AKAP9: variants seen among roughly 807,000 people sequenced by gnomAD.
AKAP9 encodes the protein A-kinase anchoring protein 9.
A neutral mutation model predicts 488.5 loss-of-function variants in AKAP9; 311 were observed. The ratio of observed to expected loss-of-function variants is 0.64; its 90% CI spans 0.58 to 0.70. The LOEUF (loss-of-function observed/expected upper bound fraction) is 0.70, where lower values mean the gene tolerates loss of function less well. Ranked by LOEUF, AKAP9 falls within the 30% of genes least tolerant of loss-of-function variation. The pLI, the probability that AKAP9 is intolerant of heterozygous loss-of-function variation, is 0.00. For synonymous variants in AKAP9, 1,462 were observed against 1,483.5 expected (o/e 0.99, Z 0.33); for missense variants, 4,215 against 4,374.5 (o/e 0.96, Z 1.03).
At chr7:92,108,428 C>CATATA in intron 48 of AKAP9, 66 bp from the exon 49 acceptor site, 1 of 1,542,706 alleles carries the variant, frequency 6.5e-7, no homozygotes, top group South Asian at 1.1e-5. Context: ...GGAGTGGAGG[C>CATATA]AGGTTGGTAA....
rs1387293488 is a variant in AKAP9, at chr7:92,065,462, A to T, written c.6209A>T (p.Asp2070Val). The change falls in exon 25 of 50, where the codon GAT becomes GTT. Residue 2070 changes from aspartate (D) to valine (V), a missense_variant and splice_region_variant. Asp to Val is a radical substitution (Grantham distance 152). Transcript: ENST00000356239. ...TTAGAAAAAATGAGAAAATTTTTAG[A>T]TGTAAGTATTCTCAAGTTGAATACT... ...KQLEKMRKFL[D>V]EQAIDREHER... The T allele has an allele frequency of 2.5e-6, 4 of 1,599,050 alleles. No individual in the cohort carries two copies. The Admixed American group carries it at 6.7e-5, about 27-fold the overall frequency.
At position 92,070,033 on chromosome 7, in the gene AKAP9, G is replaced by A; in HGVS notation, c.6334G>A (p.Glu2112Lys). The stretch of plus-strand genomic sequence containing the variant: ...TTTTTTGCCTCTTATATTTCAGGTT[G>A]AACAGTTAGCAAATCATCTGAAAGA... The part of the protein sequence containing the change: ...PISEHQTREV[E>K]QLANHLKEKT... The change falls in exon 27 of 50, where the codon GAA becomes AAA. Residue 2112 changes from glutamate to lysine, a missense_variant. Transcript: ENST00000356239. The A allele has an allele frequency of 6.2e-7, 1 of 1,612,068 alleles. No individual in the cohort carries two copies. The highest frequency in any genetic ancestry group is 1.1e-5 in the South Asian group (1 of 90,498).
rs573486648 is a variant in AKAP9 at position 92,059,156 on chromosome 7, A to T, written c.5602-2104A>T. Among the ~76,000 whole-genome samples the T allele has an allele frequency of 7.9e-5, 12 of 152,068 alleles. No individual in the cohort carries two copies. The East Asian group carries it at 2.3e-3, about 29-fold the overall frequency. ...TTTTGTTACCTCTTCTGCAACTTTT[A>T]TATTAAAGTGACAGAATATTAACTG... On this transcript the variant is annotated intron_variant, in intron 22 of 49. Coordinates refer to ENST00000356239, the MANE Select transcript of AKAP9 (RefSeq NM_005751.5).
Position 92,077,310 on chromosome 7 carries a change from C to G in AKAP9, c.6765+303C>G, listed in dbSNP as rs28694521. On this transcript the variant is annotated intron_variant, in intron 29 of 49. Transcript: ENST00000356239. Reference sequence around the variant, plus strand: ...GTTTCACCGTGTTAGCCAGGATGCTCTCGATCTCCTGACCTCGTGATCCGC... The same window carrying G: ...GTTTCACCGTGTTAGCCAGGATGCTGTCGATCTCCTGACCTCGTGATCCGC... 0.022 allele frequency among the ~76,000 whole-genome samples: 3,360 copies of G among 151,940 alleles called. 142 individuals are homozygous for G. Among genetic ancestry groups the G allele is most frequent in the African/African-American group, 0.077 (3,206 of 41,440 alleles).
intron 5 of AKAP9, among the ~76,000 whole-genome samples, chr7:91,994,113 A>G (rs1251656725): frequency 1.3e-5 from 2 of 152,172 alleles, no homozygotes; most frequent in East Asian, 1.9e-4. Context: ...TGTACAACAG[A>G]GCGAGACCCT....
At chr7:92,008,983 T>TAAAAAAA (rs58922447) in intron 8 of AKAP9, among the ~76,000 whole-genome samples, 1 of 130,730 alleles carries the variant, frequency 7.6e-6, no homozygotes, top group Non-Finnish European at 1.6e-5. Flanking sequence ...AGACTCCATT[T>TAAAAAAA]AAAAAAAAAA....
At chr7:91,955,329 A>G (rs1792840756) in intron 1 of AKAP9, among the ~76,000 whole-genome samples, 1 of 152,218 alleles carries the variant, frequency 6.6e-6, no homozygotes, top group African/African-American at 2.4e-5. Flanking sequence ...GACTGATGAT[A>G]AAAAGAACAC....
In AKAP9 at chr7:91,994,740, A is replaced by C; in HGVS notation, c.696A>C (p.Thr232=). 6.2e-7 allele frequency: 1 copy of C among 1,612,342 alleles called. No individual in the cohort carries two copies. The highest frequency in any genetic ancestry group is 1.3e-5 in the African/African-American group (1 of 75,028). ...CAATGAGAGAATTTTTAGAGTTGAC[A>C]GAACAGAGTCAAAAATTACAGATTC... ...DETMREFLEL[T]EQSQKLQIQF... The change falls in exon 6 of 50, where the codon ACA becomes ACC. Residue 232 remains threonine (T), a synonymous_variant. Transcript: ENST00000356239.
In AKAP9 at chr7:92,079,963, A is replaced by G. The variant is rs1277677294; in HGVS notation, c.7830A>G (p.Glu2610=). The part of the protein sequence containing the change: ...DISALTLRIS[E]LESQVVEMHT... ...CAGCATTAACCTTGAGAATATCAGA[A>G]TTAGAAAGCCAGGTTGTTGAAATGC... The change falls in exon 31 of 50, where the codon GAA becomes GAG. Residue 2610 remains glutamate (E), a synonymous_variant. Transcript: ENST00000356239. 2 of 1,588,066 alleles carry G rather than the reference A, an allele frequency of 1.3e-6. No individual in the cohort carries two copies. The highest frequency in any genetic ancestry group is 2.7e-5 in the African/African-American group (2 of 73,338).
chr7:92,073,690 A>G (rs186739177), intron 28 of AKAP9, among the ~76,000 whole-genome samples: 35 of 152,272 alleles, frequency 2.3e-4, no homozygotes, highest in African/African-American at 7.7e-4. Flanking sequence ...CTAGAGCCTG[A>G]CTGAATAAGA....
intron 28 of AKAP9, among the ~76,000 whole-genome samples, chr7:92,073,518 AAAC>A (rs1486341387): frequency 6.6e-6 from 1 of 152,130 alleles, no homozygotes; most frequent in Non-Finnish European, 1.5e-5. Flanking sequence ...AAAAAAAAGA[AAAC>A]AAAAATAGAT....
chr7:92,070,806 C>CAAAAAA, intron 27 of AKAP9, 99 bp from the exon 28 acceptor site: 19 of 460,142 alleles, frequency 4.1e-5, no homozygotes, highest in Admixed American at 9.2e-5. Flanking sequence ...TGCTGCTTCT[C>CAAAAAA]AAAAAAAAAA....
intron 21 of AKAP9, among the ~76,000 whole-genome samples, chr7:92,050,159 G>C (rs1413038681): frequency 6.6e-6 from 1 of 151,752 alleles, no homozygotes; most frequent in Non-Finnish European, 1.5e-5. Flanking sequence ...CCACCTCCTG[G>C]ATTCCAGTGA....
At chr7:92,065,594 A>G (rs958876433) in intron 25 of AKAP9, 131 bp downstream of exon 25, 60 of 648,748 alleles carry the variant, frequency 9.2e-5, no homozygotes, top group African/African-American at 8.8e-4. Flanking sequence ...TGTCGAATCT[A>G]CTAATCGATC....
At chr7:92,089,072 T>G in intron 37 of AKAP9, among the ~76,000 whole-genome samples, 1 of 152,198 alleles carries the variant, frequency 6.6e-6, no homozygotes, top group East Asian at 1.9e-4. Flanking sequence ...TGCTGTGAAG[T>G]ACATTTCACA....
chr7:91,944,814 G>T (rs539636659), intron 1 of AKAP9, among the ~76,000 whole-genome samples: 3 of 152,198 alleles, frequency 2.0e-5, no homozygotes, highest in Admixed American at 2.0e-4. Flanking sequence ...CTATTTTAGC[G>T]TAGGCCTGGA....
intron 8 of AKAP9, among the ~76,000 whole-genome samples, chr7:92,005,689 C>A (rs749669407): frequency 6.6e-6 from 1 of 151,716 alleles, no homozygotes; most frequent in Non-Finnish European, 1.5e-5. Context: ...TTTTTGAGAC[C>A]GAGTCTCACT....
At chr7:91,988,849 C>T (rs1364634030) in intron 3 of AKAP9, among the ~76,000 whole-genome samples, 1 of 152,028 alleles carries the variant, frequency 6.6e-6, no homozygotes, top group African/African-American at 2.4e-5. Flanking sequence ...GCACAACATT[C>T]AGGTTTGTTA....
intron 24 of AKAP9, 45 bp from the exon 25 acceptor site, chr7:92,065,186 T>G (rs753651034): frequency 1.6e-5 from 21 of 1,275,272 alleles, no homozygotes; most frequent in Non-Finnish European, 2.1e-5. Flanking sequence ...TATCATAAGA[T>G]CATTAATTGT....
Sources: allele counts gnomAD v4.1 joint callset (sites outside exome capture counted in the v4.1 genomes callset), GRCh38; gene constraint gnomAD v4.1.1; transcripts MANE v1.5; gene names NCBI Gene and HGNC (gene_info 2026-07-23, HGNC 2026-07-21).